Variants in VPS13C observed in about 807,000 individuals in gnomAD.
The protein encoded by VPS13C is vacuolar protein sorting 13 homolog C.
VPS13C carries 358 observed loss-of-function variants against 456.8 expected under a neutral mutation model. The observed-to-expected ratio is 0.78, with a 90% CI of 0.72 to 0.86. The LOEUF (loss-of-function observed/expected upper bound fraction) is 0.86, where lower values mean the gene tolerates loss of function less well. Ranked by LOEUF, VPS13C falls within the 40% of genes least tolerant of loss-of-function variation. The pLI, the probability that VPS13C is intolerant of heterozygous loss-of-function variation, is 0.00. For missense variants in VPS13C, 4,818 were observed against 4,385.4 expected (o/e 1.10, Z -2.79); for synonymous variants, 1,578 against 1,486.7 (o/e 1.06, Z -1.41).
chr15:61,991,036 A>T lies in VPS13C; in HGVS notation c.1542T>A (p.Tyr514Ter). The change falls in exon 18 of 85, where the codon TAT becomes TAA. Residue 514 changes from tyrosine (Y) to a stop codon, truncating the protein, a stop_gained. Transcript: ENST00000644861. LOFTEE classifies it high-confidence loss of function. ...AAGTTAGGTTGTGGGTACTCTCACTATAACCAATGGCAGTGAAGAGTTTAT... is the reference window on the plus strand; with the variant it reads ...AAGTTAGGTTGTGGGTACTCTCACTTTAACCAATGGCAGTGAAGAGTTTAT... ...EKDKLFTAIGYSESTHNLTLP... is the reference protein window; with the variant it reads ...EKDKLFTAIG The T allele has an allele frequency of 6.2e-7, 1 of 1,612,952 alleles. No homozygotes were observed. Among genetic ancestry groups the T allele is most frequent in the Non-Finnish European group, 8.5e-7 (1 of 1,179,582 alleles).
At chr15:61,951,616 CAAAT>C (rs1229395182) in intron 39 of VPS13C, among the ~76,000 whole-genome samples, 8 of 151,916 alleles carry the variant, frequency 5.3e-5, no homozygotes, top group Non-Finnish European at 1.5e-5. Flanking sequence ...ATTTAAAAAA[CAAAT>C]AAAACATCAC....
intron 82 of VPS13C, among the ~76,000 whole-genome samples, chr15:61,861,869 G>A (rs1037335855): frequency 2.6e-5 from 4 of 152,162 alleles, no homozygotes; most frequent in Non-Finnish European, 5.9e-5. Flanking sequence ...GGAGGCCAAG[G>A]TGGACGGATC....
Position 61,856,358 on chromosome 15 carries a change from G to A in VPS13C, c.11004C>T (p.Asp3668=). ...CAAAATCTTCAAATGGACATTGCCA[G>A]TCTACACACATAAGGCCCAGGATTT... ...EVEILGLMCV[D]WQCPFEDFVF... The change falls in exon 83 of 85, where the codon GAC becomes GAT. Residue 3668 remains aspartate, a synonymous_variant. Coordinates refer to ENST00000644861, the MANE Select transcript of VPS13C (RefSeq NM_020821.3). 1.2e-6 allele frequency: 2 copies of A among 1,613,162 alleles called. No homozygotes were observed. The highest frequency in any genetic ancestry group is 1.7e-6 in the Non-Finnish European group (2 of 1,179,538).
intron 74 of VPS13C, 35 bp from the exon 75 acceptor site, chr15:61,877,089 AATATT>A (rs758036970): frequency 1.0e-5 from 15 of 1,493,972 alleles, no homozygotes; most frequent in East Asian, 2.3e-5. Flanking sequence ...CAAAGATACT[AATATT>A]ATATGATAAA....
At chr15:61,950,672 C>A (rs1407217403) in intron 40 of VPS13C, among the ~76,000 whole-genome samples, 1 of 151,578 alleles carries the variant, frequency 6.6e-6, no homozygotes, top group Non-Finnish European at 1.5e-5. Flanking sequence ...AGATTAGGTA[C>A]ACTAATCTAA....
At chr15:62,037,885 G>C (rs1010115446) in intron 3 of VPS13C, among the ~76,000 whole-genome samples, 5 of 151,826 alleles carry the variant, frequency 3.3e-5, no homozygotes, top group African/African-American at 9.7e-5. Context: ...ATCCTGTTTC[G>C]AGACAAAAAC....
At chr15:61,922,121 A>G (rs1048931601) in intron 54 of VPS13C, 88 bp from the exon 55 acceptor site, 16 of 1,366,968 alleles carry the variant, frequency 1.2e-5, no homozygotes, top group Middle Eastern at 1.8e-4. Context: ...TAAGTAATCA[A>G]TGTTATATAT....
chr15:61,984,679 G>C (rs576467282), intron 19 of VPS13C, among the ~76,000 whole-genome samples, 178 bp downstream of exon 19: 1 of 152,208 alleles, frequency 6.6e-6, no homozygotes, highest in Non-Finnish European at 1.5e-5. Flanking sequence ...AACAAATGAT[G>C]AAGTACCCAC....
rs796096256 is a variant in VPS13C at position 61,927,156 on chromosome 15, C to A, written c.6451G>T (p.Val2151Leu). The change falls in exon 52 of 85, where the codon GTG becomes TTG. Residue 2151 changes from valine to leucine, a missense_variant. Val to Leu is a conservative substitution (Grantham distance 32, BLOSUM62 1). Around this residue, in one of 3 missense-constraint regions of VPS13C, gnomAD observed 4,552 missense variants for 4,130.6 expected, o/e 1.10. Transcript: ENST00000644861. ...CAAGCGAGCACTTTCAGATCTCTCA[C>A]AGAAGCTTCCATCATCTGTTCGAGT... ...SKLEQMMEAS[V>L]RDLKVLACPF... The A allele has an allele frequency of 4.3e-6, 7 of 1,614,192 alleles. No homozygotes were observed. In the African/African-American group the frequency reaches 9.3e-5, roughly 22 times the overall value.
intron 67 of VPS13C, among the ~76,000 whole-genome samples, chr15:61,888,368 A>G (rs1896419294): frequency 6.6e-6 from 1 of 152,194 alleles, no homozygotes; most frequent in Admixed American, 6.5e-5. Context: ...CAGAGGAAAC[A>G]TATGTCTACA....
chr15:61,939,618 A>G (rs531993911), intron 47 of VPS13C, among the ~76,000 whole-genome samples: 4 of 152,294 alleles, frequency 2.6e-5, no homozygotes, highest in African/African-American at 9.6e-5. Flanking sequence ...GAATCACAGG[A>G]TTCCTATACT....
chr15:61,856,210 T>TA, intron 83 of VPS13C, 76 bp downstream of exon 83: 3 of 1,534,648 alleles, frequency 2.0e-6, no homozygotes, highest in Non-Finnish European at 2.7e-6. Context: ...ATCCTTCAAA[T>TA]ATTTTGTGTA....
At chr15:61,993,530 A>C (rs1249012876) in intron 16 of VPS13C, among the ~76,000 whole-genome samples, 1 of 152,126 alleles carries the variant, frequency 6.6e-6, no homozygotes, top group African/African-American at 2.4e-5. Context: ...AGAAAGATAA[A>C]GCCATTATTA....
chr15:62,046,360 A>AGG (rs2048402819), intron 1 of VPS13C, among the ~76,000 whole-genome samples: 4 of 151,958 alleles, frequency 2.6e-5, no homozygotes, highest in Non-Finnish European at 5.9e-5. Flanking sequence ...GAAGACTAGC[A>AGG]TGTTCAGCAA....
At chr15:61,960,692 T>C (rs2045166286) in intron 35 of VPS13C, among the ~76,000 whole-genome samples, 1 of 152,226 alleles carries the variant, frequency 6.6e-6, no homozygotes, top group African/African-American at 2.4e-5. Context: ...CTGGTGAATC[T>C]AGATGAAGGA....
chr15:61,905,796 C>G (rs927732903), intron 66 of VPS13C, among the ~76,000 whole-genome samples: 1 of 152,024 alleles, frequency 6.6e-6, no homozygotes, highest in African/African-American at 2.4e-5. Context: ...TGTCATTTCT[C>G]TAATAAAATT....
At chr15:62,003,168 ATTTG>A (rs1209750709) in intron 15 of VPS13C, among the ~76,000 whole-genome samples, 1 of 151,894 alleles carries the variant, frequency 6.6e-6, no homozygotes, top group Non-Finnish European at 1.5e-5. Flanking sequence ...ATGTTCTTCC[ATTTG>A]TTTGTGTCCT....
rs764411897 is a variant in VPS13C at position 62,007,471 on chromosome 15, T to C, written c.1127A>G (p.Tyr376Cys). Reference protein sequence around the residue: ...LHTNGRRWWKYAIDSVLEVHI... With the variant: ...LHTNGRRWWKCAIDSVLEVHI... ...AACTTCAAGAACAGAATCAATTGCA[T>C]ATTTCCACCTGAAAATCAAATTTTG... Residue 376 changes from tyrosine to cysteine, a missense_variant, in exon 15 of 85, where the codon TAT becomes TGT. Coordinates refer to ENST00000644861, the MANE Select transcript of VPS13C (RefSeq NM_020821.3). 3 of 1,572,118 alleles carry C rather than the reference T, an allele frequency of 1.9e-6. No homozygotes were observed. The East Asian group carries it at 6.9e-5, about 36-fold the overall frequency.
chr15:61,877,127 G>C, intron 74 of VPS13C, 73 bp from the exon 75 acceptor site: 1 of 1,164,968 alleles, frequency 8.6e-7, no homozygotes, highest in South Asian at 1.5e-5. Flanking sequence ...AAATTTGAAT[G>C]ACAGCTAATG....
Sources: gnomAD v4.1 joint callset for allele counts (sites outside exome capture counted in the v4.1 genomes callset) on GRCh38, gnomAD v4.1.1 for gene constraint, gnomAD v4.1.1 regional missense constraint, MANE v1.5 for transcripts, NCBI Gene and HGNC (gene_info 2026-07-23, HGNC 2026-07-21) for gene names.